EIPR1: variants seen among roughly 807,000 people sequenced by gnomAD.
EIPR1 encodes the protein EARP and GARP complex-interacting protein 1.
In EIPR1, 25 loss-of-function variants were observed where a neutral mutation model predicts 48.1. That is an observed-to-expected ratio of 0.52 (90% CI 0.38 to 0.73). The LOEUF is 0.73. EIPR1 is among the 30% of genes least tolerant of loss of function. EIPR1 has a pLI of 0.00. For missense variants in EIPR1, 415 were observed against 506.2 expected (o/e 0.82, Z 1.73); for synonymous variants, 204 against 201.9 (o/e 1.01, Z -0.09).
intron 3 of EIPR1, among the ~76,000 whole-genome samples, chr2:3,272,900 G>C (rs1667740452): frequency 6.6e-6 from 1 of 152,208 alleles, no homozygotes; most frequent in African/African-American, 2.4e-5. Flanking sequence ...TCTGTATCTA[G>C]AGTGGTTTCT....
At chr2:3,310,310 T>C (rs1415807265) in intron 3 of EIPR1, among the ~76,000 whole-genome samples, 1 of 152,150 alleles carries the variant, frequency 6.6e-6, no homozygotes, top group Non-Finnish European at 1.5e-5. Flanking sequence ...TTTTTAATAT[T>C]TTTCTTAGGG....
intron 5 of EIPR1, among the ~76,000 whole-genome samples, chr2:3,210,790 C>T (rs563829415): frequency 6.6e-6 from 1 of 152,238 alleles, no homozygotes; most frequent in Non-Finnish European, 1.5e-5. Context: ...GCCACCACGC[C>T]TGGCTAATTT....
chr2:3,256,619 C>T (rs1444695081), intron 4 of EIPR1, among the ~76,000 whole-genome samples: 4 of 152,230 alleles, frequency 2.6e-5, no homozygotes, highest in African/African-American at 7.2e-5. Context: ...TTAAGTAAAA[C>T]AATCACTATC....
At chr2:3,255,882 A>G (rs1347584696) in intron 4 of EIPR1, among the ~76,000 whole-genome samples, 2 of 152,188 alleles carry the variant, frequency 1.3e-5, no homozygotes, top group Non-Finnish European at 2.9e-5. Context: ...CATCACACAC[A>G]TGCGCACAAA....
chr2:3,326,348 G>A (rs999095621), intron 3 of EIPR1, among the ~76,000 whole-genome samples: 1 of 152,154 alleles, frequency 6.6e-6, no homozygotes, highest in African/African-American at 2.4e-5. Flanking sequence ...AAGCAGCAGA[G>A]GGAAAAGCAG....
At chr2:3,305,977 C>T (rs867079845) in intron 3 of EIPR1, among the ~76,000 whole-genome samples, 10 of 152,012 alleles carry the variant, frequency 6.6e-5, no homozygotes, top group Middle Eastern at 6.3e-3. Flanking sequence ...ATCGCTGCTT[C>T]CCCCCTTTCT....
chr2:3,337,124 AAGGGAAGGGAAC>A (rs1336983235), intron 3 of EIPR1, among the ~76,000 whole-genome samples: 1 of 150,188 alleles, frequency 6.7e-6, no homozygotes, highest in African/African-American at 2.5e-5. Flanking sequence ...GAAAAGGGAA[AAGGGAAGGGAAC>A]AGGGAAGGGA....
At chr2:3,240,726 C>T (rs1268464471) in intron 4 of EIPR1, among the ~76,000 whole-genome samples, 52 of 142,744 alleles carry the variant, frequency 3.6e-4, no homozygotes, top group African/African-American at 4.7e-4. Context: ...TAAAGCAAAG[C>T]CAGCAGATCC....
chr2:3,288,922 C>T (rs1007951574), intron 3 of EIPR1, among the ~76,000 whole-genome samples: 2 of 152,224 alleles, frequency 1.3e-5, no homozygotes, highest in South Asian at 2.1e-4. Context: ...GCAGCCCTGG[C>T]CCCCTGGGCA....
At chr2:3,222,884 T>C (rs1265542907) in intron 4 of EIPR1, among the ~76,000 whole-genome samples, 1 of 152,140 alleles carries the variant, frequency 6.6e-6, no homozygotes, top group South Asian at 2.1e-4. Flanking sequence ...AACACAGCCA[T>C]GGGTGGTGGC....
chr2:3,204,415 C>T (rs576110268), intron 5 of EIPR1, among the ~76,000 whole-genome samples: 6 of 152,310 alleles, frequency 3.9e-5, no homozygotes, highest in African/African-American at 9.6e-5. Context: ...TCAGGGCAGA[C>T]GGTGCAGTGT....
At chr2:3,220,841 G>C (rs146420045) in intron 4 of EIPR1, among the ~76,000 whole-genome samples, 1 of 149,920 alleles carries the variant, frequency 6.7e-6, no homozygotes, top group East Asian at 2.0e-4. Flanking sequence ...TTCACGGTGA[G>C]TCGGGAACAC....
At position 3,208,376 on chromosome 2, in the gene EIPR1, C is replaced by T. The variant is rs1665306488; in HGVS notation, c.516+5773G>A. On this transcript the variant is annotated intron_variant, in intron 5 of 8. Coordinates refer to ENST00000382125, the MANE Select transcript of EIPR1 (RefSeq NM_003310.5). ...GCCCGGGTGGGACTCATTTATAGGG[C>T]ATCAGACCTGACCCACAGCCCCAGA... is the stretch of plus-strand genomic sequence containing the variant. 14 of 1,313,802 alleles carry T rather than the reference C, an allele frequency of 1.1e-5. 1 individual carries two copies. In the East Asian group the frequency reaches 1.5e-4, roughly 14 times the overall value. 81.4% of individuals were successfully genotyped at this position (1,313,802 alleles called of 1,614,324 possible).
At chr2:3,321,223 G>A (rs1436488006) in intron 3 of EIPR1, among the ~76,000 whole-genome samples, 1 of 152,134 alleles carries the variant, frequency 6.6e-6, no homozygotes, top group Non-Finnish European at 1.5e-5. Context: ...CCAGCATCAT[G>A]AGAAAATTTA....
At chr2:3,287,362 T>C (rs1668225377) in intron 3 of EIPR1, among the ~76,000 whole-genome samples, 1 of 151,448 alleles carries the variant, frequency 6.6e-6, no homozygotes, top group Non-Finnish European at 1.5e-5. Flanking sequence ...AGAAAGCTCG[T>C]TCACTACGCT....
At chr2:3,215,506 A>C (rs1300961516) in intron 4 of EIPR1, among the ~76,000 whole-genome samples, 5 of 152,236 alleles carry the variant, frequency 3.3e-5, no homozygotes, top group Non-Finnish European at 7.3e-5. Context: ...TTACTCAACA[A>C]AGACCAAAAT....
intron 5 of EIPR1, among the ~76,000 whole-genome samples, chr2:3,204,179 G>C (rs4854105): frequency 0.93 from 142,163 of 152,224 alleles, 66,492 homozygotes; most frequent in East Asian, 0.98. Context: ...CCCCCTTACT[G>C]CACAGCTGGG....
At chr2:3,308,801 G>A (rs181222790) in intron 3 of EIPR1, among the ~76,000 whole-genome samples, 2 of 152,160 alleles carry the variant, frequency 1.3e-5, no homozygotes, top group South Asian at 2.1e-4. Context: ...GTTCTCACCC[G>A]AAACCAGAGA....
intron 3 of EIPR1, among the ~76,000 whole-genome samples, chr2:3,330,305 G>C (rs921307839): frequency 6.6e-6 from 1 of 152,226 alleles, no homozygotes; most frequent in African/African-American, 2.4e-5. Flanking sequence ...AGAAGTGGAT[G>C]AAAGTTTTCA....
Sources: gnomAD v4.1 joint callset for allele counts (sites outside exome capture counted in the v4.1 genomes callset) on GRCh38, gnomAD v4.1.1 for gene constraint, MANE v1.5 for transcripts, NCBI Gene and HGNC (gene_info 2026-07-23, HGNC 2026-07-21) for gene names.